Variants in ZFP64 observed in about 807,000 individuals in gnomAD.
ZFP64 encodes the protein ZFP64 zinc finger protein, also known as zinc finger protein 64.
ZFP64 carries 14 observed loss-of-function variants against 51.6 expected under a neutral mutation model. The ratio of observed to expected loss-of-function variants is 0.27; its 90% CI spans 0.18 to 0.42. The LOEUF is 0.42. Among genes scored for constraint, ZFP64 ranks in the 10% least tolerant of loss-of-function variants. The pLI, the probability that ZFP64 is intolerant of heterozygous loss-of-function variation, is 1.00. For synonymous variants in ZFP64, 375 were observed against 361.4 expected, an observed-to-expected ratio of 1.04 and a Z score of -0.43; for missense variants, 754 against 906.8, an observed-to-expected ratio of 0.83 and a Z score of 2.16.
At chr20:52,092,832 G>T (rs1194131162) in intron 7 of ZFP64, among the ~76,000 whole-genome samples, 1 of 152,056 alleles carries the variant, frequency 6.6e-6, no homozygotes, top group Non-Finnish European at 1.5e-5. Flanking sequence ...CTCCAGCCTG[G>T]GTAAGAGGAA....
chr20:52,172,501 G>A (rs1982838099), intron 2 of ZFP64, among the ~76,000 whole-genome samples: 1 of 152,056 alleles, frequency 6.6e-6, no homozygotes, highest in Admixed American at 6.5e-5. Context: ...CTGTATTCAG[G>A]TTTGGCATAA....
At chr20:52,118,297 T>C (rs1978986116) in intron 5 of ZFP64, among the ~76,000 whole-genome samples, 1 of 150,740 alleles carries the variant, frequency 6.6e-6, no homozygotes, top group Admixed American at 6.6e-5. Flanking sequence ...ACAACATGGA[T>C]CCAAGTCTTT....
intron 4 of ZFP64, among the ~76,000 whole-genome samples, chr20:52,162,600 C>T (rs188640517): frequency 3.7e-4 from 57 of 152,240 alleles, no homozygotes; most frequent in African/African-American, 1.3e-3. Context: ...GCACTCCAGC[C>T]TGGGTGACAG....
intron 5 of ZFP64, among the ~76,000 whole-genome samples, chr20:52,101,840 C>T (rs191591168): frequency 2.2e-3 from 327 of 149,788 alleles, no homozygotes; most frequent in Admixed American, 2.5e-3. Context: ...GAGTCTCAGC[C>T]GGGTGCCGTG....
chr20:52,178,630 C>G (rs554067342), intron 2 of ZFP64, among the ~76,000 whole-genome samples: 57 of 152,240 alleles, frequency 3.7e-4, no homozygotes, highest in Admixed American at 1.2e-3. Context: ...CACCACGTTC[C>G]CCTGTGCCAT....
At chr20:52,088,227 G>T (rs1682047032) in intron 8 of ZFP64, 2 of 1,167,204 alleles carry the variant, frequency 1.7e-6, no homozygotes, top group East Asian at 2.4e-5. Context: ...AAAAGTTGTT[G>T]TTCCGGCAAC....
At chr20:52,108,409 TATA>T (rs1422692793) in intron 5 of ZFP64, among the ~76,000 whole-genome samples, 6 of 152,108 alleles carry the variant, frequency 3.9e-5, no homozygotes, top group African/African-American at 1.4e-4. Context: ...GTTCCACAAA[TATA>T]ATGACAACTG....
At position 52,132,294 on chromosome 20, in the gene ZFP64, T is replaced by A. The variant is rs560271406; in HGVS notation, c.763+27829A>T. On this transcript the variant is annotated intron_variant, in intron 5 of 8. Transcript: ENST00000361387. ...AAAAAACTTCAAATAAACAATCTAA[T>A]GATGGATCTTAAAGAACTAGAAAAG... Among the ~76,000 whole-genome samples, 4 of 152,026 alleles carry A rather than the reference T, an allele frequency of 2.6e-5. No homozygotes were observed. In the South Asian group the frequency reaches 8.3e-4, roughly 32 times the overall value.
chr20:52,191,518 G>T lies in ZFP64; in HGVS notation c.46+73C>A, dbSNP rs1984369619. On this transcript the variant is annotated intron_variant, in intron 1 of 5. Transcript: ENST00000216923. The surrounding 1 kb of genome is among the most constrained non-coding windows in gnomAD (Gnocchi z 4.3). ...CCCCGGGCCTGCTGGCTGCGTCGCAGACGTGCTTGGGCCCGGGCCCCGGAG... is the reference window on the plus strand; with the variant it reads ...CCCCGGGCCTGCTGGCTGCGTCGCATACGTGCTTGGGCCCGGGCCCCGGAG... 6 of 1,459,016 alleles carry T rather than the reference G, an allele frequency of 4.1e-6. No individual in the cohort carries two copies. The highest frequency in any genetic ancestry group is 4.8e-5 in the Admixed American group (2 of 41,740). 90.4% of individuals were successfully genotyped at this position (1,459,016 alleles called of 1,614,324 possible). A position where few individuals can be genotyped will look rare whatever the true frequency, so the allele number is the denominator to read the frequency against.
At chr20:52,101,852 C>T (rs1000010681) in intron 5 of ZFP64, among the ~76,000 whole-genome samples, 3 of 150,354 alleles carry the variant, frequency 2.0e-5, no homozygotes, top group African/African-American at 7.4e-5. Context: ...GGTGCCGTGG[C>T]TCATGCCTGT....
intron 4 of ZFP64, among the ~76,000 whole-genome samples, chr20:52,161,839 T>C (rs1423773074): frequency 6.6e-6 from 1 of 152,190 alleles, no homozygotes; most frequent in Non-Finnish European, 1.5e-5. Context: ...CTTTTGGTCA[T>C]GGAAGGAGGT....
At chr20:52,142,377 G>GACACACACACACACACGTGCGC (rs749072185) in intron 5 of ZFP64, among the ~76,000 whole-genome samples, 3 of 118,370 alleles carry the variant, frequency 2.5e-5, no homozygotes. Context: ...CACACACACA[G>GACACACACACACACACGTGCGC]ACACACACAC....
chr20:52,183,961 G>A lies in ZFP64; in HGVS notation c.286+2871C>T, dbSNP rs138174922. Among the ~76,000 whole-genome samples the A allele has an allele frequency of 3.6e-3, 541 of 152,198 alleles. 6 individuals carry two copies. The highest frequency in any genetic ancestry group is 0.012 in the African/African-American group (510 of 41,522). ...TGCCTCCTGGGTTTAAGAGATTCTCGTGCCTTGGCCTCCAAAGTAGCACGG... is the reference window on the plus strand; with the variant it reads ...TGCCTCCTGGGTTTAAGAGATTCTCATGCCTTGGCCTCCAAAGTAGCACGG... On this transcript the variant is annotated intron_variant, in intron 2 of 5. Transcript: ENST00000216923.
At chr20:52,120,582 C>T (rs1378055444) in intron 5 of ZFP64, among the ~76,000 whole-genome samples, 1 of 143,946 alleles carries the variant, frequency 6.9e-6, no homozygotes, top group Non-Finnish European at 1.5e-5. Flanking sequence ...CATGTGCTCA[C>T]TTTGTGTTTC....
Position 52,152,896 on chromosome 20 carries a change from G to A in ZFP64, c.1296C>T (p.Ala432=), listed in dbSNP as rs747878245. 9 of 1,613,930 alleles carry A rather than the reference G, an allele frequency of 5.6e-6. No individual in the cohort carries two copies. In the African/African-American group the frequency reaches 8.0e-5, roughly 14 times the overall value. Residue 432 remains alanine (A), a synonymous_variant, in exon 6 of 6, where the codon GCC becomes GCT. Transcript: ENST00000216923. The part of the protein sequence containing the change: ...KKSFHCDICD[A]SFMREDSLRS... ...GGAGCGAGTCCTCCCGCATGAAGGA[G>A]GCATCGCATATATCGCAGTGGAAAC...
At chr20:52,113,195 G>A (rs1477915828) in intron 5 of ZFP64, among the ~76,000 whole-genome samples, 2 of 151,708 alleles carry the variant, frequency 1.3e-5, no homozygotes, top group African/African-American at 2.4e-5. Flanking sequence ...TTAGCCAGGC[G>A]TGGTGGCGGG....
chr20:52,095,115 T>C (rs1259630202), intron 7 of ZFP64, among the ~76,000 whole-genome samples: 1 of 152,232 alleles, frequency 6.6e-6, no homozygotes, highest in Non-Finnish European at 1.5e-5. Context: ...AATCCCTGCC[T>C]CCCACTTACA....
At chr20:52,180,601 T>C (rs956516868) in intron 2 of ZFP64, among the ~76,000 whole-genome samples, 2 of 136,218 alleles carry the variant, frequency 1.5e-5, no homozygotes, top group Non-Finnish European at 3.2e-5. Context: ...ATTCAATGAA[T>C]ATTGACTGAG....
At chr20:52,129,280 T>C (rs1279876609) in intron 5 of ZFP64, among the ~76,000 whole-genome samples, 2 of 151,376 alleles carry the variant, frequency 1.3e-5, no homozygotes, top group African/African-American at 4.9e-5. Flanking sequence ...TTTTTTTGTA[T>C]TTTTAGTAGA....
Sources: gnomAD v4.1 joint callset for allele counts (sites outside exome capture counted in the v4.1 genomes callset) on GRCh38, gnomAD v4.1.1 for gene constraint, Gnocchi (gnomAD v3.1) non-coding constraint, MANE v1.5 for transcripts, NCBI Gene and HGNC (gene_info 2026-07-23, HGNC 2026-07-21) for gene names.